Variants in ADGRG6 observed in about 807,000 individuals in gnomAD.
ADGRG6 encodes the protein adhesion G protein-coupled receptor G6, also known as G-protein coupled receptor 126.
Under a neutral mutation model 142.4 loss-of-function variants are expected in ADGRG6, and 84 were observed. That is an observed-to-expected ratio of 0.59 (90% CI 0.49 to 0.71). The LOEUF is 0.71. Ranked by LOEUF, ADGRG6 falls within the 30% of genes least tolerant of loss-of-function variation. ADGRG6 has a pLI of 0.00. For missense variants in ADGRG6, 1,367 were observed against 1,466.6 expected, an observed-to-expected ratio of 0.93 and a Z score of 1.11; for synonymous variants, 521 against 520.5, an observed-to-expected ratio of 1.00 and a Z score of -0.01.
intron 2 of ADGRG6, among the ~76,000 whole-genome samples, chr6:142,311,059 C>G (rs1005689364): frequency 6.6e-6 from 1 of 151,812 alleles, no homozygotes; most frequent in African/African-American, 2.4e-5. Context: ...AATATATGCA[C>G]ATTCTTGAAT....
chr6:142,345,104 G>A (rs182329475), intron 2 of ADGRG6, among the ~76,000 whole-genome samples: 1 of 152,114 alleles, frequency 6.6e-6, no homozygotes, highest in East Asian at 1.9e-4. Flanking sequence ...AAAGAGATGT[G>A]AGGAACATTT....
Position 142,370,446 on chromosome 6 carries a change from A to G in ADGRG6, c.722A>G (p.Glu241Gly). Residue 241 changes from glutamate to glycine, a missense_variant, in exon 4 of 25, where the codon GAA becomes GGA. By Grantham distance (98) the Glu-to-Gly change is moderately conservative (BLOSUM62 -2). Around this residue, in one of 3 missense-constraint regions of ADGRG6, gnomAD observed 737 missense variants for 746.5 expected, o/e 0.99. Transcript: ENST00000367609. ...TTGAATAATGCATTACCTGTCAAAG[A>G]AAAAGAAGACATTTTTGCAGAAAGC... ...CLLNNALPVKEKEDIFAESFE... is the reference protein window; with the variant it reads ...CLLNNALPVKGKEDIFAESFE... The G allele has an allele frequency of 6.2e-7, 1 of 1,613,694 alleles. No individual in the cohort carries two copies. Among genetic ancestry groups the G allele is most frequent in the Non-Finnish European group, 8.5e-7 (1 of 1,179,612 alleles).
intron 2 of ADGRG6, among the ~76,000 whole-genome samples, chr6:142,335,183 G>A (rs1239903479): frequency 6.6e-6 from 1 of 152,206 alleles, no homozygotes; most frequent in Non-Finnish European, 1.5e-5. Flanking sequence ...ATAGTGTTAA[G>A]TCATGGGGAA....
Position 142,408,194 on chromosome 6 carries a change from G to A in ADGRG6, c.2313G>A (p.Ala771=), listed in dbSNP as rs553968799. The A allele has an allele frequency of 8.8e-6, 14 of 1,585,962 alleles. No homozygotes were observed. Among genetic ancestry groups the A allele is most frequent in the East Asian group, 6.8e-5 (3 of 44,174 alleles). Reference sequence around the variant, plus strand: ...AAACTTTAGTGAGTTATGTGATGGCGTGCAGTATTGGAAACATTACTATCC... The same window carrying A: ...AAACTTTAGTGAGTTATGTGATGGCATGCAGTATTGGAAACATTACTATCC... ...QRKTLVSYVM[A]CSIGNITIQN... is the part of the protein sequence containing the mutation. The change falls in exon 16 of 25, where the codon GCG becomes GCA. Residue 771 remains alanine (A), a synonymous_variant. Transcript: ENST00000367609.
chr6:142,408,404 A>C, intron 16 of ADGRG6, 135 bp downstream of exon 16: 1 of 568,918 alleles, frequency 1.8e-6, no homozygotes, highest in South Asian at 3.0e-5. Context: ...TAAAGAGAGA[A>C]CAACTGATCA....
rs187767824 is a variant in ADGRG6, at chr6:142,428,437, C to G, written c.3319+8333C>G. The stretch of plus-strand genomic sequence containing the variant: ...AGGCTGAAACCAAATTTATTATTTT[C>G]TAATTATCCACAGGATAATGCTTTG... On this transcript the variant is annotated intron_variant, in intron 22 of 24. Coordinates refer to ENST00000367609, the MANE Select transcript of ADGRG6 (RefSeq NM_198569.3). Among the ~76,000 whole-genome samples the G allele has an allele frequency of 3.1e-3, 467 of 152,170 alleles. 3 individuals carry two copies. The highest frequency in any genetic ancestry group is 0.01 in the African/African-American group (430 of 41,522).
At chr6:142,394,670 C>A (rs1775079229) in intron 9 of ADGRG6, among the ~76,000 whole-genome samples, 1 of 149,798 alleles carries the variant, frequency 6.7e-6, no homozygotes, top group Non-Finnish European at 1.5e-5. Flanking sequence ...CAGCCTTGAA[C>A]TCCTAGGCTC....
intron 4 of ADGRG6, among the ~76,000 whole-genome samples, chr6:142,374,715 C>T (rs1335914302): frequency 2.0e-5 from 3 of 152,208 alleles, no homozygotes; most frequent in Non-Finnish European, 4.4e-5. Flanking sequence ...GGCTCCAACA[C>T]GTGTCTCCTG....
chr6:142,402,869 G>C (rs756451390), intron 13 of ADGRG6, 39 bp downstream of exon 13: 29 of 1,072,430 alleles, frequency 2.7e-5, no homozygotes, highest in African/African-American at 4.8e-5. Flanking sequence ...AATTTTATTG[G>C]ATAATGATGT....
chr6:142,326,213 A>G (rs553974658), intron 2 of ADGRG6, among the ~76,000 whole-genome samples: 1 of 152,038 alleles, frequency 6.6e-6, no homozygotes, highest in South Asian at 2.1e-4. Context: ...GACTTTAAAC[A>G]CGTTGTTTCT....
At chr6:142,392,895 G>C in intron 7 of ADGRG6, 53 bp from the exon 8 acceptor site, 1 of 1,176,222 alleles carries the variant, frequency 8.5e-7, no homozygotes, top group South Asian at 1.3e-5. Context: ...ACTTGAATTA[G>C]ATATTTTTTA....
chr6:142,307,042 G>GAATTGAATTGAATATGGAATT (rs1777534782), intron 1 of ADGRG6, among the ~76,000 whole-genome samples: 9 of 152,122 alleles, frequency 5.9e-5, no homozygotes, highest in Admixed American at 3.3e-4. Context: ...TGATAAGACA[G>GAATTGAATTGAATATGGAATT]CTTCAGAATT....
At chr6:142,435,223 C>A (rs1777426346) in intron 22 of ADGRG6, among the ~76,000 whole-genome samples, 3 of 152,114 alleles carry the variant, frequency 2.0e-5, no homozygotes, top group Admixed American at 2.0e-4. Context: ...CATTGAATCT[C>A]CAACTCCTAA....
At chr6:142,426,528 T>C (rs549785212) in intron 22 of ADGRG6, among the ~76,000 whole-genome samples, 52 of 152,300 alleles carry the variant, frequency 3.4e-4, no homozygotes, top group African/African-American at 1.3e-3. Flanking sequence ...AGGCTGACAT[T>C]GAGTGTCTGT....
intron 1 of ADGRG6, among the ~76,000 whole-genome samples, chr6:142,305,336 C>T (rs1404436037): frequency 6.6e-6 from 1 of 151,566 alleles, no homozygotes; most frequent in African/African-American, 2.4e-5. Context: ...ACCTCTATAC[C>T]TTTTACCCAG....
chr6:142,404,234 C>T (rs903731950), intron 14 of ADGRG6: 2 of 427,056 alleles, frequency 4.7e-6, no homozygotes, highest in Non-Finnish European at 8.3e-6. Context: ...GTAGGGGCCA[C>T]CATACTTGGG....
intron 18 of ADGRG6, among the ~76,000 whole-genome samples, chr6:142,412,034 C>T (rs916710300): frequency 1.3e-5 from 2 of 152,124 alleles, no homozygotes; most frequent in Non-Finnish European, 2.9e-5. Flanking sequence ...TTCTTCCATG[C>T]CCCTGTTTTA....
intron 15 of ADGRG6, among the ~76,000 whole-genome samples, chr6:142,407,281 G>A (rs765339800): frequency 3.4e-4 from 51 of 151,634 alleles, no homozygotes; most frequent in Admixed American, 4.6e-4. Context: ...AGAGGGCAAG[G>A]TACGATGGTG....
At chr6:142,318,247 T>C (rs1470383671) in intron 2 of ADGRG6, among the ~76,000 whole-genome samples, 1 of 69,562 alleles carries the variant, frequency 1.4e-5, no homozygotes, top group African/African-American at 6.2e-5. Flanking sequence ...TATATTTATA[T>C]ATTATATATA....
Sources: allele counts gnomAD v4.1 joint callset (sites outside exome capture counted in the v4.1 genomes callset), GRCh38; gene constraint gnomAD v4.1.1; regional missense constraint gnomAD v4.1.1; transcripts MANE v1.5; gene names NCBI Gene and HGNC (gene_info 2026-07-23, HGNC 2026-07-21).